The following MTR variants were observed in gnomAD, a reference collection of about 807,000 sequenced individuals.
MTR encodes 5-methyltetrahydrofolate-homocysteine methyltransferase.
In MTR, 84 loss-of-function variants were observed where a neutral mutation model predicts 154.8. The observed-to-expected ratio is 0.54, with a 90% CI of 0.45 to 0.65. The LOEUF (loss-of-function observed/expected upper bound fraction) is 0.65. Ranked by LOEUF, MTR falls within the 30% of genes least tolerant of loss-of-function variation. MTR has a pLI of 0.00. For missense variants in MTR, 1,275 were observed against 1,570.2 expected (o/e 0.81, Z 3.18); for synonymous variants, 554 against 553.9 (o/e 1.00, Z 0.00).
rs775753008 is a variant in MTR, at chr1:236,889,296, G to T, written c.2967G>T (p.Pro989=). Residue 989 remains proline, a synonymous_variant, in exon 28 of 33, where the codon CCG becomes CCT. Coordinates refer to ENST00000366577, the MANE Select transcript of MTR (RefSeq NM_000254.3). ...FDVWQLRGKY[P]NRGFPKIFND... The stretch of plus-strand genomic sequence containing the variant: ...TCTGGCAGCTCCGGGGCAAGTACCC[G>T]AATCGAGGCTTTCCCAAGATATTTA... The T allele has an allele frequency of 6.2e-7, 1 of 1,614,206 alleles. No homozygotes were observed. Among genetic ancestry groups the T allele is most frequent in the Admixed American group, 1.7e-5 (1 of 60,030 alleles).
At chr1:236,834,241 A>C (rs1198588318) in intron 13 of MTR, among the ~76,000 whole-genome samples, 1 of 152,188 alleles carries the variant, frequency 6.6e-6, no homozygotes, top group Non-Finnish European at 1.5e-5. Context: ...GTGCGATGGC[A>C]TGATCTTGGC....
At position 236,899,135 on chromosome 1, in the gene MTR, A is replaced by G. The variant is rs1264601772; in HGVS notation, c.*1491A>G. On this transcript the variant is annotated 3_prime_UTR_variant, in exon 33 of 33. Transcript: ENST00000366577. ...GTATCAGGTCTCCTAAAATTGATCT[A>G]TGGATTTAATACCATTTTCAATGGA... 2 of 152,220 alleles carry G rather than the reference A, an allele frequency of 1.3e-5. No homozygotes were observed. Among genetic ancestry groups the G allele is most frequent in the East Asian group, 1.9e-4 (1 of 5,198 alleles). The allele number at this position is 152,220 out of a possible 1,614,324, so 9.4% of individuals were successfully genotyped here. A position where few individuals can be genotyped will look rare whatever the true frequency, so the allele number is the denominator to read the frequency against.
Position 236,891,226 on chromosome 1 carries a change from T to G in MTR, c.3101T>G (p.Phe1034Cys). 1.2e-6 allele frequency: 2 copies of G among 1,614,136 alleles called. No homozygotes were observed. The highest frequency in any genetic ancestry group is 1.7e-6 in the Non-Finnish European group (2 of 1,180,020). The change falls in exon 29 of 33, where the codon TTC becomes TGC. Residue 1034 changes from phenylalanine to cysteine, a missense_variant. Transcript: ENST00000366577. ...KKLRARGVVG[F>C]WPAQSIQDDI... is the part of the protein sequence containing the mutation. Reference sequence around the variant, plus strand: ...CTCCGGGCCCGGGGTGTGGTTGGGTTCTGGCCAGCACAGAGTATCCAAGAC... The same window carrying G: ...CTCCGGGCCCGGGGTGTGGTTGGGTGCTGGCCAGCACAGAGTATCCAAGAC...
chr1:236,862,377 G>T, intron 21 of MTR, 34 bp downstream of exon 21: 1 of 1,565,680 alleles, frequency 6.4e-7, no homozygotes, highest in Non-Finnish European at 8.8e-7. Context: ...TGGGCCTTTA[G>T]TGGGTTGACC....
At chr1:236,896,902 CT>C in intron 31 of MTR, 103 bp from the exon 32 acceptor site, 1 of 854,660 alleles carries the variant, frequency 1.2e-6, no homozygotes, top group South Asian at 1.3e-5. Context: ...CATGAGCTCG[CT>C]TTGGTTCACT....
chr1:236,819,418 G>A (rs1175880782), intron 8 of MTR, among the ~76,000 whole-genome samples: 33 of 152,170 alleles, frequency 2.2e-4, no homozygotes, highest in Admixed American at 1.7e-3. Context: ...TCATGTCTTT[G>A]TAGGCTCGAT....
intron 4 of MTR, 79 bp from the exon 5 acceptor site, chr1:236,810,424 A>G (rs550287579): frequency 8.4e-7 from 1 of 1,192,122 alleles, no homozygotes; most frequent in African/African-American, 1.5e-5. Flanking sequence ...TTCCAGAAAA[A>G]AATCTTATTG....
chr1:236,807,639 A>C (rs923038575), intron 3 of MTR, among the ~76,000 whole-genome samples: 3 of 152,168 alleles, frequency 2.0e-5, no homozygotes, highest in African/African-American at 7.2e-5. Context: ...TTTAAATTTT[A>C]TAAAACCTTG....
chr1:236,855,827 G>T (rs1486626039), intron 18 of MTR, among the ~76,000 whole-genome samples: 1 of 152,168 alleles, frequency 6.6e-6, no homozygotes, highest in Non-Finnish European at 1.5e-5. Context: ...CCTGGGTCTG[G>T]TCTTCCTTAG....
At chr1:236,844,735 T>G (rs1663472536) in intron 15 of MTR, among the ~76,000 whole-genome samples, 1 of 152,018 alleles carries the variant, frequency 6.6e-6, no homozygotes, top group Non-Finnish European at 1.5e-5. Context: ...GGCATGCTGG[T>G]TGATGTGCTG....
At chr1:236,889,477 T>C in intron 28 of MTR, 141 bp downstream of exon 28, 1 of 1,086,914 alleles carries the variant, frequency 9.2e-7, no homozygotes. Context: ...TGCCCAACTT[T>C]TTAATGGTTT....
intron 1 of MTR, among the ~76,000 whole-genome samples, chr1:236,802,268 A>G (rs1558269834): frequency 6.6e-6 from 1 of 152,188 alleles, no homozygotes; most frequent in Non-Finnish European, 1.5e-5. Context: ...GGTTTTGAAT[A>G]TTAGATTGAG....
intron 25 of MTR, among the ~76,000 whole-genome samples, chr1:236,884,889 T>A (rs375996123): frequency 6.6e-6 from 1 of 152,262 alleles, no homozygotes; most frequent in Admixed American, 6.5e-5. Context: ...TTAGAGTTTG[T>A]CTCCCAGAAA....
At chr1:236,877,413 A>G (rs1282107894) in intron 24 of MTR, among the ~76,000 whole-genome samples, 4 of 152,196 alleles carry the variant, frequency 2.6e-5, no homozygotes, top group African/African-American at 9.6e-5. Context: ...TCCTCCACCC[A>G]GTCATCCTTT....
chr1:236,872,623 C>T (rs1665198069), intron 22 of MTR, among the ~76,000 whole-genome samples: 1 of 152,176 alleles, frequency 6.6e-6, no homozygotes, highest in Non-Finnish European at 1.5e-5. Flanking sequence ...TGCTTAATTT[C>T]TCTGGGCCCC....
At chr1:236,834,173 C>T (rs1042442915) in intron 13 of MTR, among the ~76,000 whole-genome samples, 1 of 152,006 alleles carries the variant, frequency 6.6e-6, no homozygotes, top group Non-Finnish European at 1.5e-5. Context: ...GATTTACTGA[C>T]TTAATTAATT....
rs1281468789 is a variant in MTR, at chr1:236,900,653, G to A, written c.*3009G>A. ...ATATATTATAAAAAATAAAGGCAAA[G>A]TGGAATGATAACCTAAAATCTGGTA... On this transcript the variant is annotated 3_prime_UTR_variant, in exon 33 of 33. Transcript: ENST00000366577. 1 of 152,184 alleles carries A rather than the reference G, an allele frequency of 6.6e-6. No homozygotes were observed. The highest frequency in any genetic ancestry group is 1.9e-4 in the East Asian group (1 of 5,200). The allele number at this position is 152,184 out of a possible 1,614,324, so 9.4% of individuals were successfully genotyped here.
At chr1:236,853,865 G>A (rs1664054484) in intron 18 of MTR, among the ~76,000 whole-genome samples, 1 of 152,166 alleles carries the variant, frequency 6.6e-6, no homozygotes, top group African/African-American at 2.4e-5. Flanking sequence ...TATATGTTGG[G>A]CGCAGTCCTA....
chr1:236,816,458 A>G lies in MTR; in HGVS notation c.679A>G (p.Thr227Ala), dbSNP rs1661597610. 1 of 1,613,814 alleles carries G rather than the reference A, an allele frequency of 6.2e-7. No individual in the cohort carries two copies. The highest frequency in any genetic ancestry group is 8.5e-7 in the Non-Finnish European group (1 of 1,179,846). ...YAPRPIFISGTIVDKSGRTLS... is the reference protein window; with the variant it reads ...YAPRPIFISGAIVDKSGRTLS... ...TACTTTGTCAATTCAGATTTCAGGG[A>G]CGATCGTTGATAAAAGTGGGCGGAC... Residue 227 changes from threonine (T) to alanine (A), a missense_variant, in exon 8 of 33, where the codon ACG (threonine) becomes GCG (alanine). Transcript: ENST00000366577.
Sources: allele counts gnomAD v4.1 joint callset (sites outside exome capture counted in the v4.1 genomes callset), GRCh38; gene constraint gnomAD v4.1.1; transcripts MANE v1.5; gene names NCBI Gene and HGNC (gene_info 2026-07-23, HGNC 2026-07-21).